The following RABGEF1 variants were observed in gnomAD, a reference collection of about 807,000 sequenced individuals.
RABGEF1 encodes the protein rab5 GDP/GTP exchange factor.
A neutral mutation model predicts 57.3 loss-of-function variants in RABGEF1; 26 were observed. The ratio of observed to expected loss-of-function variants is 0.45; its 90% CI spans 0.33 to 0.63. The LOEUF (loss-of-function observed/expected upper bound fraction) is 0.63. RABGEF1 is among the 20% of genes least tolerant of loss of function. The pLI, the probability that RABGEF1 is intolerant of heterozygous loss-of-function variation, is 0.02. For missense variants in RABGEF1, 464 were observed against 607.6 expected (o/e 0.76, Z 2.48); for synonymous variants, 185 against 210.7 (o/e 0.88, Z 1.06).
At chr7:66,726,306 G>A (rs1315462295) in intron 2 of RABGEF1, among the ~76,000 whole-genome samples, 1 of 152,098 alleles carries the variant, frequency 6.6e-6, no homozygotes, top group Non-Finnish European at 1.5e-5. Flanking sequence ...TCTCACCTGT[G>A]GGTTCAGCTT....
chr7:66,663,642 G>A, the RABGEF1 span, among the ~76,000 whole-genome samples: 40 of 151,956 alleles, frequency 2.6e-4, no homozygotes, highest in Non-Finnish European at 4.9e-4. Context: ...CCTAATGCTA[G>A]ATGACAAGTT....
chr7:66,669,670 T>C, the RABGEF1 span: 1 of 152,172 alleles, frequency 6.6e-6, no homozygotes, highest in African/African-American at 2.4e-5. Flanking sequence ...GCTCTGTCAG[T>C]CATTAGCCAG....
intron 7 of RABGEF1, among the ~76,000 whole-genome samples, chr7:66,801,034 T>A (rs1421818134): frequency 6.6e-6 from 1 of 152,174 alleles, no homozygotes; most frequent in Non-Finnish European, 1.5e-5. Flanking sequence ...CGAGGTCTGT[T>A]GAAGAGAACT....
At chr7:66,762,588 CAAGAA>C (rs1269031678) in intron 1 of RABGEF1, among the ~76,000 whole-genome samples, 38 of 149,842 alleles carry the variant, frequency 2.5e-4, no homozygotes, top group East Asian at 9.8e-4. Context: ...GACCCTGTCT[CAAGAA>C]AAGAAAAGAA....
chr7:66,671,816 TC>T, the RABGEF1 span, among the ~76,000 whole-genome samples: 1 of 108,356 alleles, frequency 9.2e-6, no homozygotes, highest in African/African-American at 4.0e-5. Context: ...AGTGAGACTG[TC>T]TTTTTTTTTT....
chr7:66,656,041 A>C, the RABGEF1 span, among the ~76,000 whole-genome samples: 1 of 152,238 alleles, frequency 6.6e-6, no homozygotes, highest in Non-Finnish European at 1.5e-5. Context: ...GTCTTGAAGA[A>C]TGAGTAACAT....
At chr7:66,723,412 C>T (rs193107309) in intron 2 of RABGEF1, among the ~76,000 whole-genome samples, 235 of 152,338 alleles carry the variant, frequency 1.5e-3, no homozygotes, top group African/African-American at 5.3e-3. Flanking sequence ...TCTACCCTTA[C>T]GTTGCGTTTA....
intron 1 of RABGEF1, among the ~76,000 whole-genome samples, chr7:66,749,373 G>A (rs781529330): frequency 1.3e-5 from 2 of 152,202 alleles, no homozygotes; most frequent in Middle Eastern, 3.2e-3. Flanking sequence ...GTTATGTAAT[G>A]CTGTGTTTCC....
intron 1 of RABGEF1, among the ~76,000 whole-genome samples, chr7:66,769,344 G>A (rs1054960615): frequency 2.0e-5 from 3 of 152,202 alleles, no homozygotes; most frequent in Non-Finnish European, 2.9e-5. Context: ...TTTCTTCCTT[G>A]TTTTCATTTA....
At chr7:66,736,240 A>G (rs1348923101), upstream of RABGEF1, among the ~76,000 whole-genome samples, 1 of 152,210 alleles carries the variant, frequency 6.6e-6, no homozygotes, top group East Asian at 1.9e-4. Flanking sequence ...GATAAACCCT[A>G]TCCCCAGAAA....
chr7:66,700,341 G>T (rs1404067481), intron 1 of RABGEF1, among the ~76,000 whole-genome samples: 1 of 152,236 alleles, frequency 6.6e-6, no homozygotes, highest in South Asian at 2.1e-4. Context: ...AAGGGGTCCT[G>T]CCTGTGTAGG....
intron 4 of RABGEF1, among the ~76,000 whole-genome samples, chr7:66,789,607 C>T (rs1364227479): frequency 7.2e-6 from 1 of 138,840 alleles, no homozygotes; most frequent in Admixed American, 8.3e-5. Flanking sequence ...GGCGTGAACC[C>T]GGGAGGCGGA....
chr7:66,785,065 T>A (rs916963984), intron 4 of RABGEF1, among the ~76,000 whole-genome samples: 1 of 152,230 alleles, frequency 6.6e-6, no homozygotes, highest in Non-Finnish European at 1.5e-5. Flanking sequence ...CTGTATAATA[T>A]GTTTTAGAAA....
At chr7:66,796,232 A>G (rs1440359629) in intron 5 of RABGEF1, among the ~76,000 whole-genome samples, 3 of 147,562 alleles carry the variant, frequency 2.0e-5, no homozygotes, top group African/African-American at 4.9e-5. Flanking sequence ...TATTGTATTA[A>G]TAGTTTAAAA....
At chr7:66,671,649 C>T in the RABGEF1 span, among the ~76,000 whole-genome samples, 1 of 152,032 alleles carries the variant, frequency 6.6e-6, no homozygotes, top group Non-Finnish European at 1.5e-5. Context: ...CGTGGAAAAA[C>T]ACAATGTCAA....
intron 1 of RABGEF1, among the ~76,000 whole-genome samples, chr7:66,743,004 T>TA (rs983675672): frequency 6.6e-6 from 1 of 151,964 alleles, no homozygotes; most frequent in African/African-American, 2.4e-5. Context: ...GCTGGGTCCT[T>TA]GTGTGGTTAA....
intron 1 of RABGEF1, among the ~76,000 whole-genome samples, chr7:66,711,386 C>G (rs113525890): frequency 0.043 from 6,441 of 149,716 alleles, 209 homozygotes; most frequent in Non-Finnish European, 0.068. Context: ...ACATTTAGAT[C>G]TGAGATCTTT....
chr7:66,799,241 T>A, intron 6 of RABGEF1, 82 bp from the exon 7 acceptor site: 1 of 1,150,446 alleles, frequency 8.7e-7, no homozygotes, highest in South Asian at 1.3e-5. Flanking sequence ...TGCCTCAGGC[T>A]TTCCCTAAAC....
upstream of RABGEF1, chr7:66,740,678 CG>C (rs1798694523): frequency 1.3e-5 from 2 of 152,672 alleles, no homozygotes; most frequent in Admixed American, 6.5e-5. Flanking sequence ...CTGGCGGTGC[CG>C]GGGGCGGGGC....
Sources: gnomAD v4.1 joint callset for allele counts (sites outside exome capture counted in the v4.1 genomes callset) on GRCh38, gnomAD v4.1.1 for gene constraint, MANE v1.5 for transcripts, NCBI Gene and HGNC (gene_info 2026-07-23, HGNC 2026-07-21) for gene names.